QARS1: variants seen among roughly 807,000 people sequenced by gnomAD.
The protein encoded by QARS1 is glutaminyl-tRNA synthetase 1, also known as glutamine--tRNA ligase.
In QARS1, 79 loss-of-function variants were observed where a neutral mutation model predicts 106.9. That is an observed-to-expected ratio of 0.74 (90% CI 0.62 to 0.89). The LOEUF (loss-of-function observed/expected upper bound fraction) is 0.89, where lower values mean the gene tolerates loss of function less well. Ranked by LOEUF, QARS1 falls within the 40% of genes least tolerant of loss-of-function variation. The pLI, the probability that QARS1 is intolerant of heterozygous loss-of-function variation, is 0.00. For synonymous variants in QARS1, 395 were observed against 367.7 expected, an observed-to-expected ratio of 1.07 and a Z score of -0.85; for missense variants, 966 against 997.2, an observed-to-expected ratio of 0.97 and a Z score of 0.42.
chr3:49,104,476 G>A lies in QARS1; in HGVS notation c.118-5C>T, dbSNP rs778689182. The A allele has an allele frequency of 2.2e-5, 36 of 1,613,750 alleles. No individual in the cohort carries two copies. In the African/African-American group the frequency reaches 4.1e-4, roughly 19 times the overall value. On this transcript the variant is annotated splice_region_variant and splice_polypyrimidine_tract_variant and intron_variant, in intron 1 of 23. Coordinates refer to ENST00000306125, the MANE Select transcript of QARS1 (RefSeq NM_005051.3). ...GGAACCCAGGGTCTGCTGAGCCTGA[G>A]GTCAGAGGGGTCAAGAGAGAAGCCC...
In QARS1 at chr3:49,103,884, G is replaced by T; in HGVS notation, c.354C>A (p.Thr118=). Residue 118 remains threonine (T), a synonymous_variant, in exon 3 of 24, where the codon ACC becomes ACA. Transcript: ENST00000306125. ...TCACAGCCTCCTCAATCTGCTCTGG[G>T]GTCACAATGACACCCACGCCACATT... The part of the protein sequence containing the change: ...ERECGVGVIV[T]PEQIEEAVEA... The T allele has an allele frequency of 6.2e-7, 1 of 1,614,018 alleles. No homozygotes were observed. The highest frequency in any genetic ancestry group is 8.5e-7 in the Non-Finnish European group (1 of 1,180,010).
intron 23 of QARS1, among the ~76,000 whole-genome samples, chr3:49,096,283 G>T (rs1199607249): frequency 6.6e-6 from 1 of 152,166 alleles, no homozygotes; most frequent in East Asian, 1.9e-4. Context: ...GTATTATATG[G>T]ACCATAACAA....
In QARS1 at chr3:49,102,444, T is replaced by C; in HGVS notation, c.545A>G (p.Glu182Gly). 6.2e-7 allele frequency: 1 copy of C among 1,614,070 alleles called. No homozygotes were observed. Among genetic ancestry groups the C allele is most frequent in the Non-Finnish European group, 8.5e-7 (1 of 1,180,024 alleles). ...CTTGAACTTCTTCTCCAGATCAGCC[T>C]CCAACTTGGGGCCCAGAAGGTGGAG... ...QVLHLLGPKL[E>G]ADLEKKFKVA... Residue 182 changes from glutamate (E) to glycine (G), a missense_variant, in exon 6 of 24, where the codon GAG becomes GGG. Physicochemically the swap from Glu to Gly is moderately conservative, Grantham distance 98. Transcript: ENST00000306125.
In QARS1 at chr3:49,104,314, G is replaced by A. The variant is rs2107113755; in HGVS notation, c.265+10C>T. The A allele has an allele frequency of 6.2e-7, 1 of 1,613,782 alleles. No homozygotes were observed. Among genetic ancestry groups the A allele is most frequent in the Non-Finnish European group, 8.5e-7 (1 of 1,179,780 alleles). ...TTGGTGCGAACTGGCAGGACAGGTA[G>A]GGGTCTCACCGCTTAGCTGGGGCTC... On this transcript the variant is annotated intron_variant, in intron 2 of 23. Coordinates refer to ENST00000306125, the MANE Select transcript of QARS1 (RefSeq NM_005051.3).
rs1287636642 is a variant in QARS1 at position 49,102,210 on chromosome 3, T to C, written c.626A>G (p.Glu209Gly). 6.2e-7 allele frequency: 1 copy of C among 1,614,218 alleles called. No homozygotes were observed. The highest frequency in any genetic ancestry group is 1.1e-5 in the South Asian group (1 of 91,086). The change falls in exon 7 of 24, where the codon GAG becomes GGG. Residue 209 changes from glutamate (E) to glycine (G), a missense_variant. By Grantham distance (98) the Glu-to-Gly change is moderately conservative (BLOSUM62 -2). Transcript: ENST00000306125. ...AGGAGTCTCAAGCTTCTCACCATTC[T>C]CCACCACATCCTTTGCCGTCCTCCG... is the stretch of plus-strand genomic sequence containing the variant. Reference protein sequence around the residue: ...TDRRTAKDVVENGETADQTLS... With the variant: ...TDRRTAKDVVGNGETADQTLS...
intron 10 of QARS1, 33 bp downstream of exon 10, chr3:49,101,322 T>A: frequency 6.6e-7 from 1 of 1,512,592 alleles, no homozygotes; most frequent in Non-Finnish European, 9.2e-7. Flanking sequence ...CAAGTGGTCA[T>A]CTTGCTTGCC....
chr3:49,096,788 G>C (rs1446091110), intron 23 of QARS1, among the ~76,000 whole-genome samples: 1 of 47,854 alleles, frequency 2.1e-5, no homozygotes, highest in Non-Finnish European at 3.8e-5. Context: ...CGACATGTGA[G>C]ACTCCGTCTC....
At chr3:49,099,459 C>G in intron 16 of QARS1, 28 bp from the exon 17 acceptor site, 2 of 1,614,164 alleles carry the variant, frequency 1.2e-6, no homozygotes, top group Non-Finnish European at 1.7e-6. Flanking sequence ...GTGAGAAGGC[C>G]TTTGGGAGCA....
At chr3:49,099,070 T>TACAC (rs750126991) in intron 18 of QARS1, 40 bp downstream of exon 18, 2 of 1,613,726 alleles carry the variant, frequency 1.2e-6, no homozygotes, top group Non-Finnish European at 1.7e-6. Flanking sequence ...TACCCCCAGC[T>TACAC]ACACACACAC....
Position 49,099,647 on chromosome 3 carries a change from T to A in QARS1, c.1389A>T (p.Arg463=), listed in dbSNP as rs1256791122. The A allele has an allele frequency of 2.5e-6, 4 of 1,613,860 alleles. No homozygotes were observed. Among genetic ancestry groups the A allele is most frequent in the Non-Finnish European group, 3.4e-6 (4 of 1,179,964 alleles). Residue 463 remains arginine (R), a splice_region_variant and synonymous_variant, in exon 16 of 24, where the codon CGA becomes CGT. Transcript: ENST00000306125. The part of the protein sequence containing the change: ...HSLCTKEFQA[R]RSSYFWLCNA... ...TGCAAAGCCAGAAGTAGGAAGAGCG[T>A]CTGGGGTGGGAGAGTAGGGTTAGCA...
rs776510027 is a variant in QARS1, at chr3:49,098,039, CAAACTG to C, written c.2224_2229del (p.Gln742_Phe743del). On this transcript the variant is annotated inframe_deletion, in exon 23 of 24. Transcript: ENST00000306125. ...TCCACGGAGAAATATCCAAGACGCT[CAAACTG>C]GAACTTGTCGAAGGGTTTTGCCAGG... 2 of 1,614,188 alleles carry C rather than the reference CAAACTG, an allele frequency of 1.2e-6. No individual in the cohort carries two copies. Among genetic ancestry groups the C allele is most frequent in the Non-Finnish European group, 1.7e-6 (2 of 1,180,046 alleles).
rs564669820 is a variant in QARS1, at chr3:49,104,269, G to A, written c.265+55C>T. On this transcript the variant is annotated intron_variant, in intron 2 of 23. Coordinates refer to ENST00000306125, the MANE Select transcript of QARS1 (RefSeq NM_005051.3). Reference sequence around the variant, plus strand: ...GACTTGGCAAAAAGGGAAGACAGGGGTCTTGGCTGAAGGGAGGCATTGGTG... The same window carrying A: ...GACTTGGCAAAAAGGGAAGACAGGGATCTTGGCTGAAGGGAGGCATTGGTG... The A allele has an allele frequency of 3.7e-5, 59 of 1,603,890 alleles. No homozygotes were observed. The African/African-American group carries it at 7.0e-4, about 19-fold the overall frequency.
At chr3:49,102,526 C>T in intron 5 of QARS1, 54 bp from the exon 6 acceptor site, 1 of 1,599,702 alleles carries the variant, frequency 6.3e-7, no homozygotes, top group Non-Finnish European at 8.6e-7. Flanking sequence ...TCAAGGAGCC[C>T]CTGACTGATC....
Position 49,099,103 on chromosome 3 carries a change from G to C in QARS1, c.1758+7C>G. The C allele has an allele frequency of 6.2e-7, 1 of 1,614,172 alleles. No homozygotes were observed. Among genetic ancestry groups the C allele is most frequent in the Non-Finnish European group, 8.5e-7 (1 of 1,180,022 alleles). On this transcript the variant is annotated splice_region_variant and intron_variant, in intron 18 of 23. Coordinates refer to ENST00000306125, the MANE Select transcript of QARS1 (RefSeq NM_005051.3). ...CACATGTGACACACATGTTGAGGCA[G>C]GCCCACCTTGGCAGCAGGAAAGTTG...
At chr3:49,099,671 C>G in intron 15 of QARS1, 24 bp from the exon 16 acceptor site, 1 of 1,612,690 alleles carries the variant, frequency 6.2e-7, no homozygotes, top group Non-Finnish European at 8.5e-7. Context: ...GTAGGGTTAG[C>G]ACTGGCCAGC....
At chr3:49,096,348 T>C (rs559466341) in intron 23 of QARS1, among the ~76,000 whole-genome samples, 1 of 152,350 alleles carries the variant, frequency 6.6e-6, no homozygotes, top group East Asian at 1.9e-4. Context: ...CCACCATGTT[T>C]GCCCCCTACT....
In QARS1 at chr3:49,104,382, G is replaced by A. The variant is rs1267599526; in HGVS notation, c.207C>T (p.Leu69=). The change falls in exon 2 of 24, where the codon CTC becomes CTT. Residue 69 remains leucine, a synonymous_variant. Coordinates refer to ENST00000306125, the MANE Select transcript of QARS1 (RefSeq NM_005051.3). ...TGGCTATGTAGCTTACAAGGAAGGAGAGACGCCGGGTATCCCTGAGTCGGG... is the reference window on the plus strand; with the variant it reads ...TGGCTATGTAGCTTACAAGGAAGGAAAGACGCCGGGTATCCCTGAGTCGGG... ...LASRLRDTRR[L]SFLVSYIASK... is the part of the protein sequence containing the mutation. The A allele has an allele frequency of 4.3e-6, 7 of 1,614,110 alleles. No homozygotes were observed. The highest frequency in any genetic ancestry group is 4.5e-5 in the East Asian group (2 of 44,896).
At chr3:49,100,502 C>A (rs776464910) in intron 11 of QARS1, 44 bp from the exon 12 acceptor site, 1 of 1,606,652 alleles carries the variant, frequency 6.2e-7, no homozygotes, top group South Asian at 1.1e-5. Context: ...GCCACAAACA[C>A]CCAGTGGGCA....
In QARS1 at chr3:49,104,722, T is replaced by C. The variant is rs1253715637; in HGVS notation, c.12A>G (p.Leu4=). 15 of 1,612,526 alleles carry C rather than the reference T, an allele frequency of 9.3e-6. No homozygotes were observed. Among genetic ancestry groups the C allele is most frequent in the African/African-American group, 2.7e-5 (2 of 74,908 alleles). ...GGCTAGTGAAGAGCGACAGGGAGTCTAGAGCCGCCATTGCAGAGACACCGG... is the reference window on the plus strand; with the variant it reads ...GGCTAGTGAAGAGCGACAGGGAGTCCAGAGCCGCCATTGCAGAGACACCGG... The part of the protein sequence containing the change: MAA[L]DSLSLFTSLG... Residue 4 remains leucine, a synonymous_variant, in exon 1 of 24, where the codon CTA becomes CTG. Transcript: ENST00000306125.
Sources: allele counts gnomAD v4.1 joint callset (sites outside exome capture counted in the v4.1 genomes callset), GRCh38; gene constraint gnomAD v4.1.1; transcripts MANE v1.5; gene names NCBI Gene and HGNC (gene_info 2026-07-23, HGNC 2026-07-21).